ANP32A: variants seen among roughly 807,000 people sequenced by gnomAD.
The protein encoded by ANP32A is acidic nuclear phosphoprotein 32 family member A, also known as acidic leucine-rich nuclear phosphoprotein 32 family member A.
Under a neutral mutation model 33.9 loss-of-function variants are expected in ANP32A, and 1 was observed. The ratio of observed to expected loss-of-function variants is 0.03; its 90% confidence interval spans 0.01 to 0.14. The LOEUF is 0.14. ANP32A is among the 10% of genes least tolerant of loss of function. The pLI is 1.00. For missense variants in ANP32A, 155 were observed against 306.0 expected (o/e 0.51, Z 3.68); for synonymous variants, 115 against 120.5 (o/e 0.95, Z 0.30).
intron 1 of ANP32A, among the ~76,000 whole-genome samples, chr15:68,795,322 GTTGT>G (rs911194628): frequency 6.6e-6 from 1 of 152,020 alleles, no homozygotes; most frequent in Non-Finnish European, 1.5e-5. Context: ...GATTTTTTTT[GTTGT>G]TTGTTTCCTA....
chr15:68,800,743 C>CAAA (rs398070692), intron 1 of ANP32A, among the ~76,000 whole-genome samples: 1 of 83,640 alleles, frequency 1.2e-5, no homozygotes, highest in Non-Finnish European at 2.3e-5. Context: ...GACTCCGTCT[C>CAAA]AAAAAAAAAA....
intron 1 of ANP32A, among the ~76,000 whole-genome samples, chr15:68,798,419 G>A (rs1241937336): frequency 6.6e-6 from 1 of 152,178 alleles, no homozygotes; most frequent in African/African-American, 2.4e-5. Flanking sequence ...TTTTCAGATA[G>A]CTTTTAAAAA....
At chr15:68,785,095 G>A (rs981449815) in intron 3 of ANP32A, among the ~76,000 whole-genome samples, 13 of 152,138 alleles carry the variant, frequency 8.5e-5, no homozygotes, top group African/African-American at 3.1e-4. Context: ...ACCCCTGTAA[G>A]GTAGAAATAA....
At position 68,815,390 on chromosome 15, in the gene ANP32A, C is replaced by T. The variant is rs562060929; in HGVS notation, c.54+5308G>A. 2.6e-5 allele frequency among the ~76,000 whole-genome samples: 4 copies of T among 151,812 alleles called. No individual in the cohort carries two copies. The South Asian group carries it at 8.3e-4, about 31-fold the overall frequency. ...CCACAATTCTTTTATTGATAAAGTT[C>T]AGAATATATTGAGTACAATTTTTTT... On this transcript the variant is annotated intron_variant, in intron 1 of 6. Coordinates refer to ENST00000465139, the MANE Select transcript of ANP32A (RefSeq NM_006305.4).
At chr15:68,786,899 A>T (rs149121121) in intron 3 of ANP32A, among the ~76,000 whole-genome samples, 78 of 152,262 alleles carry the variant, frequency 5.1e-4, no homozygotes, top group Non-Finnish European at 9.7e-4. Flanking sequence ...ACGTTGAGGA[A>T]GGCCTGCCTG....
chr15:68,815,886 G>A (rs1894373626), intron 1 of ANP32A, among the ~76,000 whole-genome samples: 1 of 152,230 alleles, frequency 6.6e-6, no homozygotes, highest in Non-Finnish European at 1.5e-5. Flanking sequence ...TCCATGAGGT[G>A]CTATGAGCAT....
chr15:68,811,195 G>A (rs1894307475), intron 1 of ANP32A, among the ~76,000 whole-genome samples: 1 of 152,168 alleles, frequency 6.6e-6, no homozygotes, highest in Admixed American at 6.5e-5. Context: ...TAAGAGAGGT[G>A]ACAGGATGGA....
At position 68,780,015 on chromosome 15, in the gene ANP32A, G is replaced by T. The variant is rs1056901592; in HGVS notation, c.*66C>A. 22 of 1,434,588 alleles carry T rather than the reference G, an allele frequency of 1.5e-5. No individual in the cohort carries two copies. The highest frequency in any genetic ancestry group is 2.0e-4 in the Middle Eastern group (1 of 4,972). 88.9% of individuals were successfully genotyped at this position (1,434,588 alleles called of 1,614,324 possible). A position where few individuals can be genotyped will look rare whatever the true frequency, so the allele number is the denominator to read the frequency against. ...TCAGGGGGCAGGATTGGAGGGGGGG[G>T]GGAGAGGGGATATGGGTAAAAACAG... On this transcript the variant is annotated 3_prime_UTR_variant, in exon 7 of 7. Transcript: ENST00000465139. This position sits in a 1 kb window ranked among gnomAD's most constrained non-coding sequence, Gnocchi z 4.3.
Position 68,779,377 on chromosome 15 carries a change from T to G in ANP32A, c.*704A>C, listed in dbSNP as rs955145247. 6.6e-6 allele frequency: 1 copy of G among 152,226 alleles called. No individual in the cohort carries two copies. Among genetic ancestry groups the G allele is most frequent in the African/African-American group, 2.4e-5 (1 of 41,456 alleles). The allele number at this position is 152,226 out of a possible 1,614,324, so 9.4% of individuals were successfully genotyped here. On this transcript the variant is annotated 3_prime_UTR_variant, in exon 7 of 7. Transcript: ENST00000465139. ...TTTGAAGGTGTGTTTCTTCTAATTTTAATTACCAAATCCATTTTCCTTGTA... is the reference window on the plus strand; with the variant it reads ...TTTGAAGGTGTGTTTCTTCTAATTTGAATTACCAAATCCATTTTCCTTGTA...
intron 1 of ANP32A, among the ~76,000 whole-genome samples, chr15:68,814,503 C>T (rs1008274414): frequency 6.6e-6 from 1 of 151,496 alleles, no homozygotes. Context: ...GAGTAAGCCA[C>T]CTTGAGAGGC....
chr15:68,813,850 C>G (rs1034379977), intron 1 of ANP32A, among the ~76,000 whole-genome samples: 3 of 150,992 alleles, frequency 2.0e-5, no homozygotes, highest in Non-Finnish European at 4.4e-5. Context: ...AAAGAGTATC[C>G]TACACAATTT....
chr15:68,816,408 T>C (rs1276591011), intron 1 of ANP32A, among the ~76,000 whole-genome samples: 5 of 152,100 alleles, frequency 3.3e-5, no homozygotes, highest in Non-Finnish European at 7.4e-5. Context: ...ATAATAATAA[T>C]ACCTACCTCA....
intron 4 of ANP32A, among the ~76,000 whole-genome samples, chr15:68,783,885 C>A (rs1893900332): frequency 6.6e-6 from 1 of 152,164 alleles, no homozygotes; most frequent in Non-Finnish European, 1.5e-5. Context: ...GGGGGCCCCA[C>A]AACCCCTCTA....
chr15:68,786,460 A>T (rs567653240), intron 3 of ANP32A, among the ~76,000 whole-genome samples: 1 of 152,046 alleles, frequency 6.6e-6, no homozygotes, highest in East Asian at 1.9e-4. Context: ...GGGTGTCACC[A>T]TGTTGGCCAG....
intron 1 of ANP32A, among the ~76,000 whole-genome samples, chr15:68,813,839 T>C (rs1001604954): frequency 2.0e-5 from 3 of 149,244 alleles, no homozygotes; most frequent in African/African-American, 7.4e-5. Flanking sequence ...ATGAGATGTC[T>C]AAAGAGTATC....
At chr15:68,809,746 C>G (rs1037042386) in intron 1 of ANP32A, among the ~76,000 whole-genome samples, 2 of 152,040 alleles carry the variant, frequency 1.3e-5, no homozygotes, top group African/African-American at 4.8e-5. Context: ...GCTTGATGTA[C>G]CAACCGGTAG....
At chr15:68,787,317 T>G in intron 3 of ANP32A, 96 bp downstream of exon 3, 1 of 1,552,846 alleles carries the variant, frequency 6.4e-7, no homozygotes. Flanking sequence ...TCAAAAAAAT[T>G]AAGTGGGAAA....
At chr15:68,798,907 T>C (rs1894095796) in intron 1 of ANP32A, among the ~76,000 whole-genome samples, 1 of 152,212 alleles carries the variant, frequency 6.6e-6, no homozygotes. Flanking sequence ...ACTGAAGCCC[T>C]GTTGTCCAAC....
At position 68,779,633 on chromosome 15, in the gene ANP32A, A is replaced by T. The variant is rs1893838830; in HGVS notation, c.*448T>A. On this transcript the variant is annotated 3_prime_UTR_variant, in exon 7 of 7. Transcript: ENST00000465139. ...GAGAAAAGCAGGTATCATCATGTGA[A>T]CCAAAGCAAAAGATATGGCTGGTGC... 6.3e-6 allele frequency: 1 copy of T among 159,916 alleles called. No individual in the cohort carries two copies. Among genetic ancestry groups the T allele is most frequent in the Non-Finnish European group, 1.4e-5 (1 of 72,838 alleles). 9.9% of individuals were successfully genotyped at this position (159,916 alleles called of 1,614,324 possible). A position where few individuals can be genotyped will look rare whatever the true frequency, so the allele number is the denominator to read the frequency against.
Sources: gnomAD v4.1 joint callset for allele counts (sites outside exome capture counted in the v4.1 genomes callset) on GRCh38, gnomAD v4.1.1 for gene constraint, Gnocchi (gnomAD v3.1) non-coding constraint, MANE v1.5 for transcripts, NCBI Gene and HGNC (gene_info 2026-07-23, HGNC 2026-07-21) for gene names.